The following RAPGEF6 variants were observed in gnomAD, a reference collection of about 807,000 sequenced individuals.
RAPGEF6 encodes Rap guanine nucleotide exchange factor 6, also known as PDZ domain containing guanine nucleotide exchange factor (GEF) 2.
A neutral mutation model predicts 171.4 loss-of-function variants in RAPGEF6; 56 were observed. That is an observed-to-expected ratio of 0.33 (90% CI 0.26 to 0.41). The LOEUF is 0.41. RAPGEF6 is among the 10% of genes least tolerant of loss of function. The pLI is 1.00. For missense variants in RAPGEF6, 1,674 were observed against 1,921.4 expected, an observed-to-expected ratio of 0.87 and a Z score of 2.41; for synonymous variants, 692 against 650.1, an observed-to-expected ratio of 1.06 and a Z score of -0.98.
At chr5:131,459,170 A>G (rs112304840) in intron 19 of RAPGEF6, among the ~76,000 whole-genome samples, 128 of 152,302 alleles carry the variant, frequency 8.4e-4, no homozygotes, top group African/African-American at 2.8e-3. Context: ...AAACCCAAAT[A>G]TGTGTTAGAT....
At chr5:131,440,777 A>G (rs1372995768) in intron 23 of RAPGEF6, among the ~76,000 whole-genome samples, 2 of 151,040 alleles carry the variant, frequency 1.3e-5, no homozygotes, top group Admixed American at 1.3e-4. Flanking sequence ...AAAGGAAGCT[A>G]CATAGTATAA....
intron 20 of RAPGEF6, among the ~76,000 whole-genome samples, chr5:131,454,889 G>A (rs1294840001): frequency 1.3e-5 from 2 of 152,172 alleles, no homozygotes; most frequent in African/African-American, 4.8e-5. Flanking sequence ...AAAACTGTAA[G>A]CTAACTTCTC....
intron 5 of RAPGEF6, among the ~76,000 whole-genome samples, chr5:131,561,770 A>T (rs1419243154): frequency 2.6e-5 from 4 of 152,096 alleles, no homozygotes; most frequent in African/African-American, 9.7e-5. Context: ...AATTATATGT[A>T]AGTGTATCAT....
intron 24 of RAPGEF6, among the ~76,000 whole-genome samples, chr5:131,437,460 G>T (rs908326127): frequency 1.3e-5 from 2 of 152,200 alleles, no homozygotes; most frequent in Admixed American, 1.3e-4. Context: ...GTGTAAAGGT[G>T]TTCCTGAACG....
intron 4 of RAPGEF6, among the ~76,000 whole-genome samples, chr5:131,570,942 C>CA (rs1762242730): frequency 1.6e-5 from 2 of 128,562 alleles, no homozygotes; most frequent in Non-Finnish European, 3.3e-5. Context: ...TCCCCAACTA[C>CA]TTTTTTTTTT....
intron 4 of RAPGEF6, among the ~76,000 whole-genome samples, chr5:131,571,091 GC>G (rs1167789278): frequency 1.3e-5 from 2 of 151,784 alleles, no homozygotes; most frequent in African/African-American, 4.8e-5. Flanking sequence ...TTGGGTACAT[GC>G]CACCACACCG....
intron 6 of RAPGEF6, among the ~76,000 whole-genome samples, chr5:131,522,377 C>T (rs1758554989): frequency 1.3e-5 from 2 of 152,260 alleles, no homozygotes; most frequent in South Asian, 4.1e-4. Flanking sequence ...CAAATGATTT[C>T]TCTGCAACTT....
intron 1 of RAPGEF6, among the ~76,000 whole-genome samples, chr5:131,612,961 C>A (rs1243672015): frequency 2.0e-5 from 3 of 152,168 alleles, no homozygotes; most frequent in African/African-American, 4.8e-5. Context: ...TAAAGAGAGA[C>A]TAATAAGGTT....
chr5:131,593,825 A>C (rs571489397), intron 3 of RAPGEF6, among the ~76,000 whole-genome samples: 1 of 152,360 alleles, frequency 6.6e-6, no homozygotes, highest in East Asian at 1.9e-4. Context: ...GATTGTTTCT[A>C]AAAGTGTACG....
rs940067032 is a variant in RAPGEF6 at position 131,599,776 on chromosome 5, AT to A, written c.197+3494del. Among the ~76,000 whole-genome samples the A allele has an allele frequency of 6.6e-4, 101 of 152,016 alleles. 1 individual carries two copies. Among genetic ancestry groups the A allele is most frequent in the Middle Eastern group, 3.4e-3 (1 of 292 alleles). ...ATATTAGCAATGCCATTTTTGATAA[AT>A]TTTTTTTTAAAGTGCCAAAATGAGA... On this transcript the variant is annotated intron_variant, in intron 3 of 27. Transcript: ENST00000509018.
At chr5:131,431,701 T>G (rs1453494090) in intron 25 of RAPGEF6, among the ~76,000 whole-genome samples, 1 of 151,996 alleles carries the variant, frequency 6.6e-6, no homozygotes, top group Non-Finnish European at 1.5e-5. Flanking sequence ...CATGATGCAC[T>G]GCAGCTTTTA....
At chr5:131,535,737 A>T (rs1013136174) in intron 6 of RAPGEF6, among the ~76,000 whole-genome samples, 14 of 152,204 alleles carry the variant, frequency 9.2e-5, no homozygotes, top group African/African-American at 3.4e-4. Context: ...AACTGTGTAT[A>T]TTATTTATAA....
chr5:131,558,234 T>C (rs187951353), intron 5 of RAPGEF6, among the ~76,000 whole-genome samples: 2,583 of 150,562 alleles, frequency 0.017, 54 homozygotes, highest in African/African-American at 0.058. Context: ...TTTTTTTTTT[T>C]CCAAGGAATT....
intron 17 of RAPGEF6, among the ~76,000 whole-genome samples, chr5:131,471,887 T>C (rs907251379): frequency 6.6e-6 from 1 of 152,112 alleles, no homozygotes; most frequent in South Asian, 2.1e-4. Flanking sequence ...TTACTAACAC[T>C]TTTCTGTGTA....
At chr5:131,509,326 A>G (rs1395428483) in intron 8 of RAPGEF6, among the ~76,000 whole-genome samples, 2 of 152,020 alleles carry the variant, frequency 1.3e-5, no homozygotes, top group Non-Finnish European at 2.9e-5. Context: ...GGCGGATCAC[A>G]AGGTCAGGAG....
chr5:131,448,773 G>A (rs1465852580), intron 21 of RAPGEF6, among the ~76,000 whole-genome samples: 2 of 152,150 alleles, frequency 1.3e-5, no homozygotes, highest in African/African-American at 4.8e-5. Context: ...GAATGAACGT[G>A]AAACATGTTA....
rs187980765 is a variant in RAPGEF6, at chr5:131,605,922, C to T, written c.70-1229G>A. 3.4e-3 allele frequency among the ~76,000 whole-genome samples: 495 copies of T among 146,758 alleles called. 3 individuals carry two copies. Among genetic ancestry groups the T allele is most frequent in the African/African-American group, 0.012 (460 of 39,758 alleles). ...GCAGGTGCCTGTAGTCCCAGCTACT[C>T]GGGAGGCTAAGGCAGGAGAATGGCG... On this transcript the variant is annotated intron_variant, in intron 1 of 27. Coordinates refer to ENST00000509018, the MANE Select transcript of RAPGEF6 (RefSeq NM_016340.6).
At chr5:131,595,564 C>T (rs867221806) in intron 3 of RAPGEF6, among the ~76,000 whole-genome samples, 1 of 151,770 alleles carries the variant, frequency 6.6e-6, no homozygotes, top group South Asian at 2.1e-4. Context: ...AAAGTAAGTA[C>T]AGCAGATACA....
chr5:131,456,103 T>C (rs1160142552), intron 19 of RAPGEF6, 91 bp from the exon 20 acceptor site: 1 of 864,178 alleles, frequency 1.2e-6, no homozygotes, highest in Non-Finnish European at 1.8e-6. Flanking sequence ...CTAATAAAAG[T>C]AAAAATAAGC....
Sources: allele counts gnomAD v4.1 joint callset (sites outside exome capture counted in the v4.1 genomes callset), GRCh38; gene constraint gnomAD v4.1.1; transcripts MANE v1.5; gene names NCBI Gene and HGNC (gene_info 2026-07-23, HGNC 2026-07-21).